The following ZSWIM5 variants were observed in gnomAD, a reference collection of about 807,000 sequenced individuals.
ZSWIM5 encodes zinc finger SWIM-type containing 5, also known as zinc finger SWIM domain-containing protein 5.
ZSWIM5 carries 55 observed loss-of-function variants against 119.6 expected under a neutral mutation model. That is an observed-to-expected ratio of 0.46 (90% CI 0.37 to 0.58). The LOEUF is 0.58. ZSWIM5 is among the 20% of genes least tolerant of loss of function. ZSWIM5 has a pLI of 0.00. For synonymous variants in ZSWIM5, 537 were observed against 606.9 expected, an observed-to-expected ratio of 0.88 and a Z score of 1.69; for missense variants, 1,193 against 1,512.8, an observed-to-expected ratio of 0.79 and a Z score of 3.51.
rs542275322 is a variant in ZSWIM5, at chr1:45,185,768, T to C, written c.595+19988A>G. 1.1e-4 allele frequency among the ~76,000 whole-genome samples: 17 copies of C among 152,296 alleles called. No individual in the cohort carries two copies. In the East Asian group the frequency reaches 2.1e-3, roughly 19 times the overall value. On this transcript the variant is annotated intron_variant, in intron 1 of 13. Coordinates refer to ENST00000359600, the MANE Select transcript of ZSWIM5 (RefSeq NM_020883.2). ...AGGAAACAACGGGTGCTGGAGAGGA[T>C]GTGGAGAAATAGGAACACTTTTACA...
At position 45,205,869 on chromosome 1, in the gene ZSWIM5, G is replaced by A. The variant is rs1404751110; in HGVS notation, c.482C>T (p.Ser161Phe). 8 of 1,343,444 alleles carry A rather than the reference G, an allele frequency of 6.0e-6. No homozygotes were observed. The African/African-American group carries it at 7.8e-5, about 13-fold the overall frequency. The allele number at this position is 1,343,444 out of a possible 1,614,324, so 83.2% of individuals were successfully genotyped here. A position where few individuals can be genotyped will look rare whatever the true frequency, so the allele number is the denominator to read the frequency against. The change falls in exon 1 of 14, where the codon TCC becomes TTC. Residue 161 changes from serine to phenylalanine, a missense_variant. By Grantham distance (155) the Ser-to-Phe change is radical. Around this residue, in one of 2 missense-constraint regions of ZSWIM5, gnomAD observed 961 missense variants for 1,290.0 expected, o/e 0.74. Coordinates refer to ENST00000359600, the MANE Select transcript of ZSWIM5 (RefSeq NM_020883.2). ...SAPGGVAAGA[S>F]PGLGAGAGAA... is the part of the protein sequence containing the mutation. Reference sequence around the variant, plus strand: ...GCCGGCCCCTGCGCCCAGCCCGGGGGATGCCCCAGCCGCGACGCCCCCGGG... The same window carrying A: ...GCCGGCCCCTGCGCCCAGCCCGGGGAATGCCCCAGCCGCGACGCCCCCGGG...
intron 1 of ZSWIM5, among the ~76,000 whole-genome samples, chr1:45,178,200 C>T (rs575797104): frequency 5.3e-5 from 8 of 152,026 alleles, no homozygotes; most frequent in Admixed American, 1.3e-4. Flanking sequence ...CTGAGGCAAG[C>T]GGATCACCTG....
intron 1 of ZSWIM5, among the ~76,000 whole-genome samples, chr1:45,092,939 C>CCTATCTAT (rs576663509): frequency 1.8e-4 from 27 of 152,234 alleles, no homozygotes; most frequent in African/African-American, 4.3e-4. Flanking sequence ...TGAAATAAAT[C>CCTATCTAT]CTATCTATCT....
rs568007520 is a variant in ZSWIM5, at chr1:45,197,706, C to T, written c.595+8050G>A. On this transcript the variant is annotated intron_variant, in intron 1 of 13. Transcript: ENST00000359600. ...TTATAAAAAAACTGCACATGGATTT[C>T]ACTTTGTTTTGCACTAAGATAAACT... 2.6e-5 allele frequency among the ~76,000 whole-genome samples: 4 copies of T among 152,310 alleles called. 1 individual carries two copies. The South Asian group carries it at 6.2e-4, about 24-fold the overall frequency.
intron 1 of ZSWIM5, among the ~76,000 whole-genome samples, chr1:45,195,051 G>C (rs1364076375): frequency 6.6e-6 from 1 of 151,962 alleles, no homozygotes; most frequent in African/African-American, 2.4e-5. Context: ...TTCCCCCATA[G>C]TAACTTCTTC....
chr1:45,053,699 G>A (rs895831231), intron 4 of ZSWIM5, among the ~76,000 whole-genome samples: 2 of 139,130 alleles, frequency 1.4e-5, no homozygotes, highest in African/African-American at 5.3e-5. Context: ...GGAGGCAAAG[G>A]TTGCAGTGAG....
intron 1 of ZSWIM5, among the ~76,000 whole-genome samples, chr1:45,185,432 G>A (rs918593209): frequency 6.6e-5 from 10 of 151,902 alleles, no homozygotes; most frequent in African/African-American, 2.4e-4. Flanking sequence ...CTTCTGCACA[G>A]CAAAAGAAAC....
At chr1:45,145,881 T>C (rs1005992520) in intron 1 of ZSWIM5, among the ~76,000 whole-genome samples, 1 of 152,152 alleles carries the variant, frequency 6.6e-6, no homozygotes, top group Non-Finnish European at 1.5e-5. Flanking sequence ...GAGACTGAGA[T>C]GGAGCTGCTA....
At chr1:45,093,633 T>C (rs1570089452) in intron 1 of ZSWIM5, among the ~76,000 whole-genome samples, 1 of 152,200 alleles carries the variant, frequency 6.6e-6, no homozygotes, top group East Asian at 1.9e-4. Context: ...AGTTTCTTTT[T>C]CCCCTCATAT....
At chr1:45,149,796 C>A (rs1438899220) in intron 1 of ZSWIM5, among the ~76,000 whole-genome samples, 1 of 152,254 alleles carries the variant, frequency 6.6e-6, no homozygotes, top group African/African-American at 2.4e-5. Context: ...TAAAACAATA[C>A]TTTGTTCATT....
At chr1:45,117,219 AC>A (rs1049898772) in intron 1 of ZSWIM5, among the ~76,000 whole-genome samples, 6 of 152,358 alleles carry the variant, frequency 3.9e-5, no homozygotes, top group African/African-American at 1.4e-4. Flanking sequence ...CAGAGCAACA[AC>A]TGAAGATGAA....
intron 1 of ZSWIM5, among the ~76,000 whole-genome samples, chr1:45,158,451 G>C (rs890702079): frequency 6.6e-6 from 1 of 152,154 alleles, no homozygotes; most frequent in Non-Finnish European, 1.5e-5. Context: ...TTACAGATGT[G>C]AGCCATCGTG....
chr1:45,115,164 C>T (rs997470341), intron 1 of ZSWIM5, among the ~76,000 whole-genome samples: 11 of 152,224 alleles, frequency 7.2e-5, no homozygotes, highest in African/African-American at 2.7e-4. Context: ...TTGGGTACAC[C>T]TCCCAGACGG....
intron 1 of ZSWIM5, among the ~76,000 whole-genome samples, chr1:45,131,012 T>C (rs1645653316): frequency 6.6e-6 from 1 of 152,234 alleles, no homozygotes; most frequent in African/African-American, 2.4e-5. Flanking sequence ...ATTCCATCTA[T>C]GTAACATTTA....
intron 1 of ZSWIM5, among the ~76,000 whole-genome samples, chr1:45,196,284 C>T (rs961627568): frequency 2.0e-5 from 3 of 150,504 alleles, no homozygotes; most frequent in Non-Finnish European, 4.4e-5. Context: ...CAGATTCTGA[C>T]GTGATTAATT....
chr1:45,064,220 T>A (rs1396196571), intron 2 of ZSWIM5, among the ~76,000 whole-genome samples: 2 of 152,242 alleles, frequency 1.3e-5, no homozygotes, highest in African/African-American at 4.8e-5. Flanking sequence ...ATTCACTTAC[T>A]AATTAACATT....
intron 1 of ZSWIM5, among the ~76,000 whole-genome samples, chr1:45,128,674 T>C (rs369601526): frequency 1.3e-5 from 2 of 152,212 alleles, no homozygotes; most frequent in South Asian, 2.1e-4. Flanking sequence ...CTTTATGTTG[T>C]ATAGGTCTAT....
intron 2 of ZSWIM5, among the ~76,000 whole-genome samples, chr1:45,068,403 G>A (rs1368126696): frequency 6.6e-6 from 1 of 151,654 alleles, no homozygotes; most frequent in East Asian, 1.9e-4. Flanking sequence ...ACGGTGCCTG[G>A]CTGATAAGTG....
At chr1:45,020,215 T>C in intron 12 of ZSWIM5, 68 bp from the exon 13 acceptor site, 1 of 1,273,416 alleles carries the variant, frequency 7.9e-7, no homozygotes, top group Admixed American at 1.7e-5. Context: ...CCCCTTGCAT[T>C]CATTTATGCG....
Sources: gnomAD v4.1 joint callset for allele counts (sites outside exome capture counted in the v4.1 genomes callset) on GRCh38, gnomAD v4.1.1 for gene constraint, gnomAD v4.1.1 regional missense constraint, MANE v1.5 for transcripts, NCBI Gene and HGNC (gene_info 2026-07-23, HGNC 2026-07-21) for gene names.